GRM8: variants seen among roughly 807,000 people sequenced by gnomAD.
The protein encoded by GRM8 is glutamate metabotropic receptor 8.
Under a neutral mutation model 87.2 loss-of-function variants are expected in GRM8, and 47 were observed. The ratio of observed to expected loss-of-function variants is 0.54; its 90% CI spans 0.43 to 0.69. The LOEUF is 0.69. Ranked by LOEUF, GRM8 falls within the 30% of genes least tolerant of loss-of-function variation. GRM8 has a pLI of 0.00. For missense variants in GRM8, 1,019 were observed against 1,139.2 expected (o/e 0.89, Z 1.52); for synonymous variants, 396 against 404.5 (o/e 0.98, Z 0.25).
intron 9 of GRM8, among the ~76,000 whole-genome samples, chr7:126,480,501 G>A (rs2150591628): frequency 6.6e-6 from 1 of 152,214 alleles, no homozygotes; most frequent in East Asian, 1.9e-4. Flanking sequence ...GTTTCTCACA[G>A]AGCTATGGGT....
intron 7 of GRM8, 147 bp from the exon 8 acceptor site, chr7:126,609,645 T>G: frequency 1.6e-6 from 1 of 614,122 alleles, no homozygotes; most frequent in Non-Finnish European, 2.8e-6. Flanking sequence ...TCATTCTTGA[T>G]AGCATAATAT....
rs148519093 is a variant in GRM8 at position 126,629,545 on chromosome 7, A to C, written c.1358-20047T>G. 7.7e-4 allele frequency among the ~76,000 whole-genome samples: 118 copies of C among 152,322 alleles called. 1 individual carries two copies. The highest frequency in any genetic ancestry group is 2.7e-3 in the African/African-American group (113 of 41,578). ...ATTTTCTTAATGTTTGCAGAATTAC[A>C]GTGAGCCAATCAAATACACAGGACT... On this transcript the variant is annotated intron_variant, in intron 7 of 10. Transcript: ENST00000339582.
At chr7:126,771,694 C>T (rs1307568733) in intron 6 of GRM8, among the ~76,000 whole-genome samples, 4 of 152,038 alleles carry the variant, frequency 2.6e-5, no homozygotes, top group South Asian at 2.1e-4. Context: ...CTGCTATCGT[C>T]CCATATTTCC....
chr7:127,139,208 A>G (rs1469274545), intron 2 of GRM8, among the ~76,000 whole-genome samples: 1 of 152,106 alleles, frequency 6.6e-6, no homozygotes, highest in Non-Finnish European at 1.5e-5. Flanking sequence ...GTTATCCAGA[A>G]ACTTCTCCCA....
intron 6 of GRM8, among the ~76,000 whole-genome samples, chr7:126,883,162 T>C (rs1415727158): frequency 6.6e-6 from 1 of 152,168 alleles, no homozygotes; most frequent in East Asian, 1.9e-4. Flanking sequence ...CGCAGATAAA[T>C]AATGATGTAA....
intron 6 of GRM8, among the ~76,000 whole-genome samples, chr7:126,813,735 C>A (rs958328553): frequency 6.6e-6 from 1 of 152,064 alleles, no homozygotes; most frequent in Non-Finnish European, 1.5e-5. Context: ...TGCCTATTTT[C>A]AGGATCGGTT....
intron 7 of GRM8, among the ~76,000 whole-genome samples, chr7:126,730,512 G>C (rs1025334289): frequency 6.6e-6 from 1 of 152,112 alleles, no homozygotes; most frequent in African/African-American, 2.4e-5. Context: ...GGGGGACCTG[G>C]ATGTCAGACC....
At chr7:126,965,197 A>G (rs532591037) in intron 3 of GRM8, among the ~76,000 whole-genome samples, 22 of 152,222 alleles carry the variant, frequency 1.4e-4, no homozygotes, top group African/African-American at 5.3e-4. Context: ...CATTAGGAGA[A>G]ATACCTAATT....
At chr7:126,756,946 A>G (rs1817075045) in intron 7 of GRM8, among the ~76,000 whole-genome samples, 1 of 152,192 alleles carries the variant, frequency 6.6e-6, no homozygotes, top group Admixed American at 6.6e-5. Flanking sequence ...TGAAGGTAAT[A>G]TTTTCTTTAC....
intron 9 of GRM8, among the ~76,000 whole-genome samples, chr7:126,510,069 T>C (rs991283177): frequency 2.6e-5 from 4 of 151,874 alleles, no homozygotes; most frequent in Admixed American, 6.6e-5. Flanking sequence ...CAATACTGAG[T>C]TCCCTCTGGG....
At chr7:126,831,568 G>A (rs898096438) in intron 6 of GRM8, among the ~76,000 whole-genome samples, 1 of 152,184 alleles carries the variant, frequency 6.6e-6, no homozygotes, top group African/African-American at 2.4e-5. Flanking sequence ...CCAGTATTTG[G>A]GTGGGAGTGG....
chr7:126,621,886 C>T (rs757592598), intron 7 of GRM8, among the ~76,000 whole-genome samples: 26 of 152,186 alleles, frequency 1.7e-4, no homozygotes, highest in Non-Finnish European at 3.4e-4. Context: ...CTACACTTCC[C>T]AATTCATTAA....
At chr7:126,700,405 T>C (rs917117777) in intron 7 of GRM8, among the ~76,000 whole-genome samples, 63 of 152,154 alleles carry the variant, frequency 4.1e-4, no homozygotes, top group African/African-American at 1.5e-3. Context: ...TAAGAAAACC[T>C]GTTTCAGTGA....
rs371755411 is a variant in GRM8 at position 126,989,866 on chromosome 7, G to A, written c.728-85183C>T. Among the ~76,000 whole-genome samples the A allele has an allele frequency of 7.0e-4, 107 of 152,228 alleles. No individual in the cohort carries two copies. The Middle Eastern group carries it at 0.017, about 24-fold the overall frequency. On this transcript the variant is annotated intron_variant, in intron 3 of 10. Transcript: ENST00000339582. ...GGTCCCAGCTACTCCAGAGACTGAGGTGGGAGGATCACCTGAGCCCAGGAG... is the reference window on the plus strand; with the variant it reads ...GGTCCCAGCTACTCCAGAGACTGAGATGGGAGGATCACCTGAGCCCAGGAG...
chr7:127,224,395 C>T (rs1052247959), intron 2 of GRM8, among the ~76,000 whole-genome samples: 4 of 152,130 alleles, frequency 2.6e-5, no homozygotes, highest in African/African-American at 9.7e-5. Context: ...GGAAGCAGTG[C>T]AACATTTTTT....
rs566905063 is a variant in GRM8, at chr7:126,483,471, C to CCCTTCCTT, written c.2431-37107_2431-37100dup. The stretch of plus-strand genomic sequence containing the variant: ...TCTCTCCCTCCCTCCCTCCCTCCCT[C>CCCTTCCTT]CCTTCCTTCCTTCCTTCCTTCATCA... On this transcript the variant is annotated intron_variant, in intron 9 of 10. Transcript: ENST00000339582. Among the ~76,000 whole-genome samples the CCCTTCCTT allele has an allele frequency of 6.0e-5, 7 of 117,396 alleles. No homozygotes were observed. In the South Asian group the frequency reaches 1.5e-3, roughly 26 times the overall value. 77.0% of individuals were successfully genotyped at this position (117,396 alleles called of 152,430 possible).
intron 1 of GRM8, among the ~76,000 whole-genome samples, chr7:127,245,052 G>T (rs913790352): frequency 2.0e-5 from 3 of 152,208 alleles, no homozygotes; most frequent in Non-Finnish European, 2.9e-5. Flanking sequence ...TCTCCTAGCA[G>T]CTGCTTTTCC....
intron 7 of GRM8, among the ~76,000 whole-genome samples, chr7:126,764,002 G>A (rs1046428958): frequency 5.3e-5 from 8 of 151,742 alleles, no homozygotes; most frequent in Admixed American, 1.3e-4. Context: ...GAAAAAAAGC[G>A]TTCCAGTTCC....
chr7:127,010,748 TATCA>T (rs955244273), intron 3 of GRM8, among the ~76,000 whole-genome samples: 20 of 152,120 alleles, frequency 1.3e-4, no homozygotes, highest in Non-Finnish European at 2.5e-4. Context: ...AACAAATGCT[TATCA>T]ATCACTCAGT....
Sources: gnomAD v4.1 joint callset for allele counts (sites outside exome capture counted in the v4.1 genomes callset) on GRCh38, gnomAD v4.1.1 for gene constraint, MANE v1.5 for transcripts, NCBI Gene and HGNC (gene_info 2026-07-23, HGNC 2026-07-21) for gene names.